Variants in EYS observed in about 807,000 individuals in gnomAD.
The protein encoded by EYS is protein eyes shut homolog.
A neutral mutation model predicts 282.1 loss-of-function variants in EYS; 250 were observed. That is an observed-to-expected ratio of 0.89 (90% CI 0.80 to 0.98). EYS has a LOEUF of 0.98. Ranked by LOEUF, EYS falls within the 50% of genes least tolerant of loss-of-function variation. The pLI is 0.00. For missense variants in EYS, 4,016 were observed against 3,709.0 expected (o/e 1.08, Z -2.15); for synonymous variants, 1,355 against 1,282.9 (o/e 1.06, Z -1.20).
At chr6:65,390,467 C>T (rs940109471) in intron 7 of EYS, among the ~76,000 whole-genome samples, 9 of 151,586 alleles carry the variant, frequency 5.9e-5, no homozygotes, top group African/African-American at 9.7e-5. Context: ...ACAAGGGCAA[C>T]GCTGTCTATA....
intron 12 of EYS, among the ~76,000 whole-genome samples, chr6:65,287,307 T>C (rs1768394202): frequency 2.0e-5 from 3 of 151,498 alleles, no homozygotes; most frequent in African/African-American, 4.8e-5. Flanking sequence ...AAACATATCA[T>C]TACAAATACT....
intron 24 of EYS, among the ~76,000 whole-genome samples, chr6:64,595,692 G>T (rs200743240): frequency 6.6e-6 from 1 of 152,058 alleles, no homozygotes; most frequent in Non-Finnish European, 1.5e-5. Context: ...AGTCACAATA[G>T]CCTCACAAAA....
At position 64,367,860 on chromosome 6, in the gene EYS, G is replaced by C. The variant is rs77681174; in HGVS notation, c.6078+20830C>G. ...TGCCACTCATCTTGAATCTGGGTTT[G>C]TCCTGTGCAAACTTTGACCAACTGA... is the stretch of plus-strand genomic sequence containing the variant. On this transcript the variant is annotated intron_variant, in intron 29 of 42. Coordinates refer to ENST00000503581, the MANE Select transcript of EYS (RefSeq NM_001142800.2). Among the ~76,000 whole-genome samples the C allele has an allele frequency of 5.4e-3, 826 of 152,170 alleles. 5 individuals carry two copies. The highest frequency in any genetic ancestry group is 0.018 in the African/African-American group (737 of 41,538).
chr6:64,917,367 C>T (rs2150079498), intron 15 of EYS, among the ~76,000 whole-genome samples: 1 of 152,134 alleles, frequency 6.6e-6, no homozygotes, highest in African/African-American at 2.4e-5. Context: ...GACAAAGGAT[C>T]GTTCAGCAAT....
chr6:63,743,300 A>G (rs1455510712), intron 41 of EYS, among the ~76,000 whole-genome samples: 1 of 152,236 alleles, frequency 6.6e-6, no homozygotes, highest in Non-Finnish European at 1.5e-5. Flanking sequence ...ATCTCATTGC[A>G]CAGTGATTCA....
At chr6:64,930,528 A>T (rs1441138441) in intron 15 of EYS, among the ~76,000 whole-genome samples, 1 of 149,462 alleles carries the variant, frequency 6.7e-6, no homozygotes, top group African/African-American at 2.4e-5. Flanking sequence ...CATAGTTTTT[A>T]TTTGATGTGT....
At chr6:64,821,600 A>T in intron 21 of EYS, 45 bp downstream of exon 21, 1 of 1,049,390 alleles carries the variant, frequency 9.5e-7, no homozygotes, top group Non-Finnish European at 1.4e-6. Context: ...TTTTCTTTTA[A>T]ATTAAATTTT....
chr6:64,616,275 C>A (rs1292316156), intron 24 of EYS, among the ~76,000 whole-genome samples: 2 of 152,252 alleles, frequency 1.3e-5, no homozygotes, highest in East Asian at 1.9e-4. Context: ...AAAATAACTT[C>A]TTGGTACCAA....
In EYS at chr6:65,406,908, A is replaced by T. The variant is rs186561797; in HGVS notation, c.863-1541T>A. The stretch of plus-strand genomic sequence containing the variant: ...AATTGGGTAGTCATTCAACCTTTCC[A>T]TCTTTTTTTCCAAAAATATTTTTGG... On this transcript the variant is annotated intron_variant, in intron 5 of 42. Transcript: ENST00000503581. Among the ~76,000 whole-genome samples the T allele has an allele frequency of 4.0e-3, 615 of 152,152 alleles. 5 individuals carry two copies. Among genetic ancestry groups the T allele is most frequent in the African/African-American group, 0.014 (581 of 41,540 alleles).
At position 64,685,789 on chromosome 6, in the gene EYS, A is replaced by AT. The variant is rs35540012; in HGVS notation, c.3444-59545dup. On this transcript the variant is annotated intron_variant, in intron 22 of 42. Coordinates refer to ENST00000503581, the MANE Select transcript of EYS (RefSeq NM_001142800.2). ...CACTCAGTATACTTCAGAATACACTATTTTTTCAAGTACCTTTGAATCATT... is the reference window on the plus strand; with the variant it reads ...CACTCAGTATACTTCAGAATACACTATTTTTTTCAAGTACCTTTGAATCATT... 7.9e-5 allele frequency among the ~76,000 whole-genome samples: 12 copies of AT among 152,218 alleles called. No individual in the cohort carries two copies. In the East Asian group the frequency reaches 2.1e-3, roughly 27 times the overall value.
intron 14 of EYS, among the ~76,000 whole-genome samples, chr6:64,959,859 T>C (rs556372177): frequency 1.3e-5 from 2 of 150,154 alleles, no homozygotes; most frequent in East Asian, 2.0e-4. Flanking sequence ...CACAGTTAAG[T>C]AGTTCACGAC....
In EYS at chr6:65,026,916, C is replaced by CAAAAAAAAAAAAAAAAAAAAAAAAA. The variant is rs1260312589; in HGVS notation, c.2138-29214_2138-29213insTTTTTTTTTTTTTTTTTTTTTTTTT. ...TGGGCGACAGAGTGAGACTCCGTCT[C>CAAAAAAAAAAAAAAAAAAAAAAAAA]AAAAAAAAAAAAAAGATTCAGATAT... On this transcript the variant is annotated intron_variant, in intron 13 of 42. Transcript: ENST00000503581. Among the ~76,000 whole-genome samples the CAAAAAAAAAAAAAAAAAAAAAAAAA allele has an allele frequency of 4.6e-4, 50 of 107,838 alleles. 3 individuals are homozygous for CAAAAAAAAAAAAAAAAAAAAAAAAA. The highest frequency in any genetic ancestry group is 7.1e-4 in the Non-Finnish European group (36 of 50,364). 70.7% of individuals were successfully genotyped at this position (107,838 alleles called of 152,430 possible).
intron 33 of EYS, among the ~76,000 whole-genome samples, chr6:64,045,979 CGTAT>C (rs1371003212): frequency 1.1e-4 from 14 of 131,962 alleles, no homozygotes; most frequent in Non-Finnish European, 1.5e-4. Context: ...ATCTATAATA[CGTAT>C]GTATTATATA....
At chr6:63,985,765 T>G (rs958764604) in intron 34 of EYS, among the ~76,000 whole-genome samples, 2 of 151,602 alleles carry the variant, frequency 1.3e-5, no homozygotes, top group Admixed American at 1.3e-4. Context: ...TTACACCATA[T>G]ACAAAAAGCA....
chr6:64,301,055 T>A (rs749864903), intron 30 of EYS, among the ~76,000 whole-genome samples: 3 of 152,184 alleles, frequency 2.0e-5, no homozygotes, highest in Non-Finnish European at 4.4e-5. Flanking sequence ...ACCTCTGTCA[T>A]AAAGAATACA....
At chr6:64,798,946 C>G (rs1262950260) in intron 22 of EYS, among the ~76,000 whole-genome samples, 1 of 151,900 alleles carries the variant, frequency 6.6e-6, no homozygotes, top group Admixed American at 6.6e-5. Context: ...TTTAGCTGGA[C>G]TCACATTCCC....
intron 13 of EYS, among the ~76,000 whole-genome samples, chr6:65,048,355 C>T (rs981617110): frequency 6.6e-6 from 1 of 151,836 alleles, no homozygotes; most frequent in African/African-American, 2.4e-5. Context: ...AGTAATAGTT[C>T]TCTGGACCAT....
intron 22 of EYS, among the ~76,000 whole-genome samples, chr6:64,773,942 C>T (rs997113024): frequency 2.0e-5 from 3 of 151,862 alleles, no homozygotes; most frequent in East Asian, 1.9e-4. Flanking sequence ...TAATTAGGTC[C>T]TATTTGTCAA....
At chr6:64,145,854 C>T (rs116593223) in intron 31 of EYS, among the ~76,000 whole-genome samples, 1,744 of 152,210 alleles carry the variant, frequency 0.011, 34 homozygotes, top group African/African-American at 0.039. Context: ...ATAGCCATGA[C>T]TCAAGGTGAA....
Sources: allele counts gnomAD v4.1 joint callset (sites outside exome capture counted in the v4.1 genomes callset), GRCh38; gene constraint gnomAD v4.1.1; transcripts MANE v1.5; gene names NCBI Gene and HGNC (gene_info 2026-07-23, HGNC 2026-07-21).